Variants in CNTNAP2 observed in about 807,000 individuals in gnomAD.
CNTNAP2 encodes contactin associated protein 2.
CNTNAP2 carries 98 observed loss-of-function variants against 155.2 expected under a neutral mutation model. The observed-to-expected ratio is 0.63, with a 90% CI of 0.54 to 0.75. CNTNAP2 has a LOEUF of 0.75. CNTNAP2 is among the 30% of genes least tolerant of loss of function. CNTNAP2 has a pLI of 0.00. For missense variants in CNTNAP2, 1,727 were observed against 1,688.1 expected, an observed-to-expected ratio of 1.02 and a Z score of -0.40; for synonymous variants, 651 against 631.2, an observed-to-expected ratio of 1.03 and a Z score of -0.47.
chr7:147,651,597 T>C (rs1453322261), intron 13 of CNTNAP2, among the ~76,000 whole-genome samples: 2 of 152,222 alleles, frequency 1.3e-5, no homozygotes, highest in Non-Finnish European at 2.9e-5. Context: ...CTATTACAGG[T>C]ATGGAGGGAT....
chr7:147,914,014 AT>A (rs778134997), intron 14 of CNTNAP2, among the ~76,000 whole-genome samples: 1 of 152,126 alleles, frequency 6.6e-6, no homozygotes, highest in African/African-American at 2.4e-5. Context: ...CTTAAAAAAA[AT>A]ATATGTTCTA....
chr7:148,266,858 G>A (rs1055048517), intron 20 of CNTNAP2, among the ~76,000 whole-genome samples, 175 bp from the exon 21 acceptor site: 2 of 152,098 alleles, frequency 1.3e-5, no homozygotes, highest in Non-Finnish European at 2.9e-5. Flanking sequence ...AAGAACCCCA[G>A]CAAAGGAAGA....
At chr7:147,894,073 C>T (rs1222013753) in intron 13 of CNTNAP2, 2 of 152,216 alleles carry the variant, frequency 1.3e-5, no homozygotes, top group Admixed American at 6.5e-5. Context: ...AATTCCTTCT[C>T]TGCTCCATCC....
chr7:148,067,994 C>G (rs1446350817), intron 15 of CNTNAP2, among the ~76,000 whole-genome samples: 13 of 152,174 alleles, frequency 8.5e-5, no homozygotes, highest in African/African-American at 2.2e-4. Context: ...CTCACTCCCA[C>G]TGCACCCCAC....
At chr7:148,290,618 A>G (rs750523850) in intron 21 of CNTNAP2, among the ~76,000 whole-genome samples, 6 of 152,196 alleles carry the variant, frequency 3.9e-5, no homozygotes, top group Non-Finnish European at 8.8e-5. Context: ...CAACCACCCT[A>G]TCACTTTCTA....
At position 147,385,549 on chromosome 7, in the gene CNTNAP2, C is replaced by T. The variant is rs537445427; in HGVS notation, c.1499-10060C>T. Among the ~76,000 whole-genome samples the T allele has an allele frequency of 3.3e-5, 5 of 152,330 alleles. No individual in the cohort carries two copies. The East Asian group carries it at 7.7e-4, about 24-fold the overall frequency. ...TAAAGTCCCCATGCAAGTCCAAAAT[C>T]CAGCAAGGCAGTCAAATCTTAAAGC... On this transcript the variant is annotated intron_variant, in intron 9 of 23. Transcript: ENST00000361727.
chr7:146,434,735 A>G (rs1290078013), intron 1 of CNTNAP2, among the ~76,000 whole-genome samples: 1 of 152,220 alleles, frequency 6.6e-6, no homozygotes, highest in African/African-American at 2.4e-5. Context: ...AATATTAGAG[A>G]AGGTTAAAAC....
At chr7:146,579,318 AGG>A (rs1798574141) in intron 1 of CNTNAP2, among the ~76,000 whole-genome samples, 1 of 152,148 alleles carries the variant, frequency 6.6e-6, no homozygotes, top group Non-Finnish European at 1.5e-5. Flanking sequence ...AAGATATGAT[AGG>A]ATCTATAAAC....
chr7:148,150,509 C>T (rs1172133951), intron 17 of CNTNAP2, among the ~76,000 whole-genome samples: 1 of 151,942 alleles, frequency 6.6e-6, no homozygotes. Flanking sequence ...GATCGCGCCA[C>T]TGTACTCCAG....
chr7:146,821,783 C>T (rs1585106917), intron 2 of CNTNAP2, among the ~76,000 whole-genome samples: 2 of 151,886 alleles, frequency 1.3e-5, no homozygotes, highest in East Asian at 1.9e-4. Flanking sequence ...TACCATCTCA[C>T]ACCAGTTAGA....
chr7:146,431,812 C>T (rs753091620), intron 1 of CNTNAP2, among the ~76,000 whole-genome samples: 1 of 152,086 alleles, frequency 6.6e-6, no homozygotes, highest in Non-Finnish European at 1.5e-5. Context: ...TCTAGACTAA[C>T]ACGTTTATTT....
chr7:147,813,332 G>A (rs572100023), intron 13 of CNTNAP2, among the ~76,000 whole-genome samples: 104 of 152,148 alleles, frequency 6.8e-4, no homozygotes, highest in Non-Finnish European at 1.1e-3. Flanking sequence ...CAATGGGATG[G>A]TTTATGCCTA....
chr7:147,006,128 C>A (rs906006985), intron 3 of CNTNAP2, among the ~76,000 whole-genome samples: 2 of 151,848 alleles, frequency 1.3e-5, no homozygotes, highest in Non-Finnish European at 2.9e-5. Context: ...TATAGGAGTA[C>A]CCAGTAATGA....
intron 22 of CNTNAP2, among the ~76,000 whole-genome samples, chr7:148,400,131 T>G (rs1292909103): frequency 6.6e-6 from 1 of 152,060 alleles, no homozygotes; most frequent in South Asian, 2.1e-4. Flanking sequence ...AGATAGAAAT[T>G]GAAGAAAAAG....
At chr7:146,618,883 A>C (rs1799270837) in intron 1 of CNTNAP2, among the ~76,000 whole-genome samples, 1 of 152,068 alleles carries the variant, frequency 6.6e-6, no homozygotes. Flanking sequence ...CAGCCTGGCC[A>C]ACATGGTGAA....
At position 148,137,131 on chromosome 7, in the gene CNTNAP2, A is replaced by T. The variant is rs1229450621; in HGVS notation, c.2555-10360A>T. Among the ~76,000 whole-genome samples, 4 of 152,312 alleles carry T rather than the reference A, an allele frequency of 2.6e-5. No individual in the cohort carries two copies. In the East Asian group the frequency reaches 7.7e-4, roughly 29 times the overall value. On this transcript the variant is annotated intron_variant, in intron 16 of 23. Transcript: ENST00000361727. ...AACTCTTCTACAACTTTAAAGGAGC[A>T]CTTATCCTGGGATACTTTCAAACCT... is the stretch of plus-strand genomic sequence containing the variant.
At chr7:146,946,295 C>G (rs1797172297) in intron 3 of CNTNAP2, among the ~76,000 whole-genome samples, 7 of 152,190 alleles carry the variant, frequency 4.6e-5, no homozygotes, top group Admixed American at 3.9e-4. Context: ...ATTTCCTCTT[C>G]CCTGTCTGTG....
rs572907460 is a variant in CNTNAP2, at chr7:148,161,549, A to G, written c.2774-10693A>G. Among the ~76,000 whole-genome samples the G allele has an allele frequency of 2.0e-5, 3 of 152,070 alleles. No homozygotes were observed. The South Asian group carries it at 6.3e-4, about 32-fold the overall frequency. On this transcript the variant is annotated intron_variant, in intron 17 of 23. Coordinates refer to ENST00000361727, the MANE Select transcript of CNTNAP2 (RefSeq NM_014141.6). ...AGTCCATGTCCCTCACCCACCTCCC[A>G]TACACACACACAACTTCAGAGTACC... is the stretch of plus-strand genomic sequence containing the variant.
At chr7:146,537,894 G>A (rs1262678473) in intron 1 of CNTNAP2, among the ~76,000 whole-genome samples, 1 of 152,048 alleles carries the variant, frequency 6.6e-6, no homozygotes. Context: ...AAACTACAAT[G>A]GCTAGGTAAG....
Sources: allele counts gnomAD v4.1 joint callset (sites outside exome capture counted in the v4.1 genomes callset), GRCh38; gene constraint gnomAD v4.1.1; transcripts MANE v1.5; gene names NCBI Gene and HGNC (gene_info 2026-07-23, HGNC 2026-07-21).